MAGI1: variants seen among roughly 807,000 people sequenced by gnomAD.
MAGI1 encodes membrane-associated guanylate kinase, WW and PDZ domain-containing protein 1.
In MAGI1, 58 loss-of-function variants were observed where a neutral mutation model predicts 139.9. The observed-to-expected ratio is 0.41, with a 90% CI of 0.34 to 0.52. MAGI1 has a LOEUF of 0.52. Among genes scored for constraint, MAGI1 ranks in the 20% least tolerant of loss-of-function variants. MAGI1 has a pLI of 0.12. For synonymous variants in MAGI1, 812 were observed against 737.9 expected (o/e 1.10, Z -1.63); for missense variants, 1,874 against 1,901.6 (o/e 0.99, Z 0.27).
At chr3:66,011,890 G>A (rs1276845878) in intron 1 of MAGI1, among the ~76,000 whole-genome samples, 1 of 149,958 alleles carries the variant, frequency 6.7e-6, no homozygotes, top group Non-Finnish European at 1.5e-5. Context: ...CCAGGTAATA[G>A]TATTAAGTTA....
At chr3:65,655,839 T>G (rs772968577) in intron 1 of MAGI1, among the ~76,000 whole-genome samples, 2 of 152,170 alleles carry the variant, frequency 1.3e-5, no homozygotes, top group Non-Finnish European at 2.9e-5. Context: ...GAATTCCAAT[T>G]CCAATGCCCA....
chr3:65,551,631 G>C (rs2079839422), intron 2 of MAGI1, among the ~76,000 whole-genome samples: 1 of 152,286 alleles, frequency 6.6e-6, no homozygotes, highest in Non-Finnish European at 1.5e-5. Context: ...CAGTCTCAGG[G>C]AAGTTTATAG....
At chr3:65,629,784 T>A (rs1395768454) in intron 1 of MAGI1, among the ~76,000 whole-genome samples, 1 of 152,184 alleles carries the variant, frequency 6.6e-6, no homozygotes, top group African/African-American at 2.4e-5. Context: ...GCAATATAAA[T>A]CACTGGAGAG....
chr3:65,882,470 G>A (rs1301438446), intron 1 of MAGI1, among the ~76,000 whole-genome samples: 1 of 152,090 alleles, frequency 6.6e-6, no homozygotes, highest in African/African-American at 2.4e-5. Context: ...GATTGACAGA[G>A]CTTAAGTTAC....
intron 1 of MAGI1, among the ~76,000 whole-genome samples, chr3:65,795,736 G>C (rs1322062942): frequency 3.5e-5 from 3 of 86,582 alleles, no homozygotes; most frequent in Admixed American, 1.4e-4. Flanking sequence ...CGGAGAGAGA[G>C]AGAGAGATAG....
intron 7 of MAGI1, among the ~76,000 whole-genome samples, chr3:65,447,538 A>G (rs552083998): frequency 2.6e-5 from 4 of 152,318 alleles, no homozygotes; most frequent in African/African-American, 9.6e-5. Flanking sequence ...TAACTATTCA[A>G]TTCCTCAGTG....
chr3:65,484,892 C>T (rs1951532217), intron 3 of MAGI1, among the ~76,000 whole-genome samples: 1 of 152,170 alleles, frequency 6.6e-6, no homozygotes, highest in Non-Finnish European at 1.5e-5. Context: ...ATATAGCAGA[C>T]TGTTTAATTA....
chr3:65,934,160 T>C (rs997097138), intron 1 of MAGI1, among the ~76,000 whole-genome samples: 6 of 151,454 alleles, frequency 4.0e-5, no homozygotes, highest in African/African-American at 1.5e-4. Context: ...CCCTATTCCT[T>C]CAAAGAGGTG....
chr3:65,865,027 C>T (rs1018089233), intron 1 of MAGI1, among the ~76,000 whole-genome samples: 2 of 151,964 alleles, frequency 1.3e-5, no homozygotes, highest in African/African-American at 4.8e-5. Flanking sequence ...TGATATAACA[C>T]TCGGATAGAC....
At chr3:65,743,606 A>C (rs1302765298) in intron 1 of MAGI1, among the ~76,000 whole-genome samples, 1 of 152,056 alleles carries the variant, frequency 6.6e-6, no homozygotes, top group Non-Finnish European at 1.5e-5. Flanking sequence ...CTTACTCGGG[A>C]GGCTGAGGCA....
chr3:65,890,159 T>C (rs2372397), intron 1 of MAGI1, among the ~76,000 whole-genome samples: 7,830 of 152,066 alleles, frequency 0.051, 298 homozygotes, highest in African/African-American at 0.11. Flanking sequence ...GGTCAGGAGA[T>C]CGAGACCATC....
chr3:65,853,524 G>A (rs2059277043), intron 1 of MAGI1, among the ~76,000 whole-genome samples: 1 of 152,082 alleles, frequency 6.6e-6, no homozygotes, highest in Non-Finnish European at 1.5e-5. Context: ...CCAGCTGCTG[G>A]GAAGTTGGAA....
chr3:66,014,309 T>C (rs1029264002), intron 1 of MAGI1, among the ~76,000 whole-genome samples: 1 of 152,214 alleles, frequency 6.6e-6, no homozygotes. Context: ...GATCTTTTTT[T>C]ATTTTTAAGG....
chr3:65,926,814 G>T (rs1375832078), intron 1 of MAGI1, among the ~76,000 whole-genome samples: 1 of 152,142 alleles, frequency 6.6e-6, no homozygotes, highest in Non-Finnish European at 1.5e-5. Context: ...GGCCAACATG[G>T]TGTAACCCCC....
chr3:65,379,277 T>C lies in MAGI1; in HGVS notation c.2979A>G (p.Glu993=). 1 of 1,612,624 alleles carries C rather than the reference T, an allele frequency of 6.2e-7. No individual in the cohort carries two copies. Among genetic ancestry groups the C allele is most frequent in the Non-Finnish European group, 8.5e-7 (1 of 1,179,330 alleles). ...FVIVSSVSRP[E]AGTTFGNACV... ...AGCACTCACCAAAGGTCGTGCCTGC[T>C]TCGGGCCTGCTCACCGAGGACACGA... is the stretch of plus-strand genomic sequence containing the variant. The change falls in exon 17 of 23, where the codon GAA becomes GAG. Residue 993 remains glutamate, a synonymous_variant. Transcript: ENST00000402939.
At chr3:65,878,600 C>T (rs1346311246) in intron 1 of MAGI1, among the ~76,000 whole-genome samples, 3 of 151,544 alleles carry the variant, frequency 2.0e-5, no homozygotes, top group Admixed American at 1.3e-4. Context: ...CTACCATCCT[C>T]GAATAAGTGT....
intron 1 of MAGI1, among the ~76,000 whole-genome samples, chr3:65,622,289 T>G (rs946044435): frequency 1.3e-5 from 2 of 152,336 alleles, no homozygotes; most frequent in African/African-American, 4.8e-5. Context: ...GCACTGGCAA[T>G]GCATTAATTT....
intron 2 of MAGI1, among the ~76,000 whole-genome samples, chr3:65,593,533 A>G (rs947217976): frequency 2.0e-5 from 3 of 152,224 alleles, no homozygotes; most frequent in Non-Finnish European, 4.4e-5. Context: ...TGGTTGGTGG[A>G]AAATAATATG....
chr3:65,881,346 G>A (rs1256306695), intron 1 of MAGI1, among the ~76,000 whole-genome samples: 1 of 152,036 alleles, frequency 6.6e-6, no homozygotes, highest in African/African-American at 2.4e-5. Flanking sequence ...TCTTGACAAA[G>A]CCAAGTGCAG....
Sources: allele counts gnomAD v4.1 joint callset (sites outside exome capture counted in the v4.1 genomes callset), GRCh38; gene constraint gnomAD v4.1.1; transcripts MANE v1.5; gene names NCBI Gene and HGNC (gene_info 2026-07-23, HGNC 2026-07-21).